CPEB3: variants seen among roughly 807,000 people sequenced by gnomAD.
CPEB3 encodes the protein cytoplasmic polyadenylation element-binding protein 3.
In CPEB3, 20 loss-of-function variants were observed where a neutral mutation model predicts 67.2. The ratio of observed to expected loss-of-function variants is 0.30; its 90% CI spans 0.21 to 0.43. CPEB3 has a LOEUF of 0.43. Ranked by LOEUF, CPEB3 falls within the 20% of genes least tolerant of loss-of-function variation. The probability of loss-of-function intolerance (pLI) is 1.00; values close to 1 mark genes in which losing one functional copy is unlikely to be tolerated. For synonymous variants in CPEB3, 376 were observed against 393.1 expected (o/e 0.96, Z 0.51); for missense variants, 746 against 968.6 (o/e 0.77, Z 3.05).
intron 2 of CPEB3, among the ~76,000 whole-genome samples, chr10:92,217,773 TA>T (rs905966833): frequency 6.3e-4 from 94 of 148,994 alleles, no homozygotes; most frequent in African/African-American, 1.9e-3. Context: ...AAAAAAATAA[TA>T]AAAAAAAAAT....
chr10:92,246,855 C>T (rs893615343), intron 1 of CPEB3, among the ~76,000 whole-genome samples: 1 of 152,094 alleles, frequency 6.6e-6, no homozygotes, highest in Non-Finnish European at 1.5e-5. Flanking sequence ...TAAGTTATTC[C>T]TTTCAAAGTT....
At position 92,052,425 on chromosome 10, in the gene CPEB3, T is replaced by C. The variant is rs916340155; in HGVS notation, c.1884A>G (p.Pro628=). 3.7e-6 allele frequency: 6 copies of C among 1,609,458 alleles called. No individual in the cohort carries two copies. The highest frequency in any genetic ancestry group is 4.5e-5 in the East Asian group (2 of 44,750). The change falls in exon 10 of 10, where the codon CCA becomes CCG. Residue 628 remains proline, a synonymous_variant. Transcript: ENST00000265997. ...NDIDKRVEVK[P]YVLDDQMCDE... ...CACACATCTGATCATCCAGCACATA[T>C]GGCTTTACTTCAACCTGGACCCAAA...
intron 9 of CPEB3, among the ~76,000 whole-genome samples, chr10:92,080,059 T>C (rs1225631283): frequency 6.6e-6 from 1 of 151,334 alleles, no homozygotes; most frequent in Non-Finnish European, 1.5e-5. Context: ...AAAAAAAAAT[T>C]AGCCGGGCAT....
chr10:92,122,764 T>G (rs1845446876), intron 6 of CPEB3, among the ~76,000 whole-genome samples: 1 of 152,188 alleles, frequency 6.6e-6, no homozygotes, highest in African/African-American at 2.4e-5. Context: ...AGGCTTTCTG[T>G]AGGTGGTGGC....
chr10:92,127,673 T>C (rs1265191150), intron 6 of CPEB3, among the ~76,000 whole-genome samples: 1 of 152,170 alleles, frequency 6.6e-6, no homozygotes, highest in Non-Finnish European at 1.5e-5. Context: ...AGCGAGACTC[T>C]GTCTCAAAAT....
chr10:92,231,066 G>A (rs909308955), intron 2 of CPEB3, among the ~76,000 whole-genome samples: 3 of 152,154 alleles, frequency 2.0e-5, no homozygotes, highest in Non-Finnish European at 4.4e-5. Flanking sequence ...CAATTAAAAT[G>A]TTCATGGATC....
intron 6 of CPEB3, among the ~76,000 whole-genome samples, chr10:92,139,944 AAGCCTGTAGTCCC>A (rs1846316338): frequency 6.6e-6 from 1 of 151,852 alleles, no homozygotes; most frequent in Non-Finnish European, 1.5e-5. Flanking sequence ...ATGGTGGCAC[AAGCCTGTAGTCCC>A]AGCTACTCAG....
chr10:92,258,380 G>A (rs1198582487), intron 1 of CPEB3, among the ~76,000 whole-genome samples: 5 of 151,522 alleles, frequency 3.3e-5, no homozygotes, highest in African/African-American at 9.7e-5. Context: ...GATTATAGGC[G>A]TGAGCCACCG....
chr10:92,247,187 T>C (rs545453692), intron 1 of CPEB3, among the ~76,000 whole-genome samples: 127 of 152,308 alleles, frequency 8.3e-4, no homozygotes, highest in Non-Finnish European at 1.5e-3. Context: ...GTTGTTTTTT[T>C]ACTTAACCAT....
At chr10:92,054,304 A>G (rs1406024419) in intron 9 of CPEB3, among the ~76,000 whole-genome samples, 2 of 151,636 alleles carry the variant, frequency 1.3e-5, no homozygotes, top group Non-Finnish European at 2.9e-5. Flanking sequence ...AAAAAAAAAG[A>G]TGTTCATATT....
chr10:92,091,557 T>TA (rs1843619920), intron 8 of CPEB3, among the ~76,000 whole-genome samples: 1 of 152,204 alleles, frequency 6.6e-6, no homozygotes, highest in Non-Finnish European at 1.5e-5. Flanking sequence ...AATGTGTTAT[T>TA]ATTTTTTATA....
intron 3 of CPEB3, among the ~76,000 whole-genome samples, chr10:92,183,687 G>C (rs903051727): frequency 3.3e-5 from 5 of 152,122 alleles, no homozygotes; most frequent in Non-Finnish European, 7.4e-5. Context: ...CTGCCCATCA[G>C]AACTTAAGGA....
chr10:92,228,841 G>A (rs1377228727), intron 2 of CPEB3, among the ~76,000 whole-genome samples: 1 of 151,668 alleles, frequency 6.6e-6, no homozygotes, highest in Non-Finnish European at 1.5e-5. Flanking sequence ...AGCCTCCTGA[G>A]TAGCTGGGAT....
chr10:92,245,758 CG>C (rs1391265508), intron 1 of CPEB3, among the ~76,000 whole-genome samples: 2 of 152,128 alleles, frequency 1.3e-5, no homozygotes, highest in African/African-American at 4.8e-5. Context: ...ATAAAATAGC[CG>C]GGCACGGTGG....
intron 1 of CPEB3, among the ~76,000 whole-genome samples, chr10:92,285,303 C>A (rs1028693704): frequency 6.6e-6 from 1 of 152,156 alleles, no homozygotes; most frequent in African/African-American, 2.4e-5. Context: ...CACAGTGTCA[C>A]TCGGTTGCCC....
intron 2 of CPEB3, among the ~76,000 whole-genome samples, chr10:92,221,456 G>A (rs973067931): frequency 2.0e-5 from 3 of 152,142 alleles, no homozygotes; most frequent in Non-Finnish European, 4.4e-5. Context: ...TCACGCCAGT[G>A]CACTCCAGCC....
intron 2 of CPEB3, among the ~76,000 whole-genome samples, chr10:92,234,882 G>A (rs1309488096): frequency 1.3e-5 from 2 of 151,696 alleles, no homozygotes. Flanking sequence ...CCGAGATCAC[G>A]CCACTGCATT....
At chr10:92,077,722 G>C (rs1053745796) in intron 9 of CPEB3, among the ~76,000 whole-genome samples, 1 of 150,942 alleles carries the variant, frequency 6.6e-6, no homozygotes, top group Non-Finnish European at 1.5e-5. Flanking sequence ...GTGACAGGGT[G>C]AGACCCTGTC....
At chr10:92,233,880 C>T (rs1322580350) in intron 2 of CPEB3, among the ~76,000 whole-genome samples, 1 of 151,850 alleles carries the variant, frequency 6.6e-6, no homozygotes, top group Non-Finnish European at 1.5e-5. Flanking sequence ...GAGGCAGATG[C>T]GGGCAGATCC....
Sources: gnomAD v4.1 joint callset for allele counts (sites outside exome capture counted in the v4.1 genomes callset) on GRCh38, gnomAD v4.1.1 for gene constraint, MANE v1.5 for transcripts, NCBI Gene and HGNC (gene_info 2026-07-23, HGNC 2026-07-21) for gene names.